Variants in HMGCLL1 observed in about 807,000 individuals in gnomAD.
HMGCLL1 encodes 3-hydroxy-3-methylglutaryl-CoA lyase like 1, also known as 3-hydroxymethyl-3-methylglutaryl-CoA lyase, cytoplasmic.
In HMGCLL1, 36 loss-of-function variants were observed where a neutral mutation model predicts 39.1. The observed-to-expected ratio is 0.92, with a 90% CI of 0.71 to 1.22. HMGCLL1 has a LOEUF of 1.22. Among genes scored for constraint, HMGCLL1 ranks in the 50% most tolerant of loss-of-function variants. The probability of loss-of-function intolerance (pLI) is 0.00; values close to 1 mark genes in which losing one functional copy is unlikely to be tolerated. For synonymous variants in HMGCLL1, 149 were observed against 144.0 expected (o/e 1.03, Z -0.25); for missense variants, 451 against 416.5 (o/e 1.08, Z -0.72).
chr6:55,492,137 T>C (rs999544951), intron 7 of HMGCLL1, among the ~76,000 whole-genome samples: 1 of 152,118 alleles, frequency 6.6e-6, no homozygotes, highest in South Asian at 2.1e-4. Flanking sequence ...TCTGCACCCC[T>C]AAATTAAAGC....
chr6:55,504,740 G>A (rs1477185193), intron 5 of HMGCLL1, among the ~76,000 whole-genome samples: 2 of 151,510 alleles, frequency 1.3e-5, no homozygotes, highest in African/African-American at 2.4e-5. Context: ...TGGATATTGA[G>A]GGCCTACTGT....
At chr6:55,548,368 C>T (rs1346914545) in intron 1 of HMGCLL1, among the ~76,000 whole-genome samples, 1 of 151,936 alleles carries the variant, frequency 6.6e-6, no homozygotes. Context: ...TCAGTGTGGA[C>T]ATACAGCATA....
At chr6:55,549,548 T>G (rs539415979) in intron 1 of HMGCLL1, among the ~76,000 whole-genome samples, 1 of 152,026 alleles carries the variant, frequency 6.6e-6, no homozygotes, top group Non-Finnish European at 1.5e-5. Context: ...ATTAAGCCAG[T>G]TATACCAGCA....
the HMGCLL1 span, among the ~76,000 whole-genome samples, chr6:55,603,346 G>T: frequency 6.6e-6 from 1 of 151,848 alleles, no homozygotes; most frequent in African/African-American, 2.4e-5. Flanking sequence ...CTATATTTAG[G>T]TTATAATTTA....
intron 5 of HMGCLL1, among the ~76,000 whole-genome samples, chr6:55,511,016 T>C (rs114563814): frequency 6.6e-6 from 1 of 151,966 alleles, no homozygotes; most frequent in African/African-American, 2.4e-5. Context: ...GTCTTATATA[T>C]TAAAGTACTA....
intron 1 of HMGCLL1, among the ~76,000 whole-genome samples, chr6:55,565,611 C>A (rs1026088832): frequency 1.3e-5 from 2 of 152,004 alleles, no homozygotes; most frequent in East Asian, 1.9e-4. Context: ...AAAAGGTCAA[C>A]ATCTGTACAA....
chr6:55,488,401 T>G (rs1449258730), intron 7 of HMGCLL1, among the ~76,000 whole-genome samples: 1 of 152,038 alleles, frequency 6.6e-6, no homozygotes, highest in Non-Finnish European at 1.5e-5. Context: ...CACATTTAAT[T>G]AGATAGATTA....
At chr6:55,660,490 T>C in the HMGCLL1 span, among the ~76,000 whole-genome samples, 1 of 151,930 alleles carries the variant, frequency 6.6e-6, no homozygotes, top group African/African-American at 2.4e-5. Context: ...GTTCCTGTGT[T>C]AGTTGCTAAG....
the HMGCLL1 span, among the ~76,000 whole-genome samples, chr6:55,598,457 A>G: frequency 6.6e-6 from 1 of 152,128 alleles, no homozygotes; most frequent in Admixed American, 6.6e-5. Flanking sequence ...TACTCCAATG[A>G]CCATGTTTCT....
the HMGCLL1 span, among the ~76,000 whole-genome samples, chr6:55,612,157 A>G: frequency 6.6e-6 from 1 of 152,170 alleles, no homozygotes; most frequent in African/African-American, 2.4e-5. Flanking sequence ...CACCAACAAC[A>G]GGCAGGCACA....
the HMGCLL1 span, among the ~76,000 whole-genome samples, chr6:55,634,655 A>G: frequency 1.3e-5 from 2 of 152,234 alleles, no homozygotes; most frequent in South Asian, 4.1e-4. Flanking sequence ...ATGTTTCCCA[A>G]ATTCTTAGAA....
the HMGCLL1 span, among the ~76,000 whole-genome samples, chr6:55,606,772 T>C: frequency 1.3e-5 from 2 of 152,076 alleles, no homozygotes; most frequent in Non-Finnish European, 2.9e-5. Context: ...ACGCATGTGA[T>C]TAAGATAAAG....
At chr6:55,442,407 T>G (rs990151582) in intron 7 of HMGCLL1, among the ~76,000 whole-genome samples, 11 of 152,160 alleles carry the variant, frequency 7.2e-5, no homozygotes, top group African/African-American at 2.7e-4. Flanking sequence ...CCAATTTATG[T>G]CTTTTGTTGC....
In HMGCLL1 at chr6:55,479,656, G is replaced by A. The variant is rs557028511; in HGVS notation, c.795+15763C>T. On this transcript the variant is annotated intron_variant, in intron 7 of 8. Transcript: ENST00000274901. The stretch of plus-strand genomic sequence containing the variant: ...TCAGAACAATGTAGACACTCACTTA[G>A]AGACATTTAATGATTTCCTTTTTAG... 4.6e-5 allele frequency among the ~76,000 whole-genome samples: 7 copies of A among 151,580 alleles called. No homozygotes were observed. In the South Asian group the frequency reaches 1.5e-3, roughly 32 times the overall value.
At chr6:55,594,874 G>C in the HMGCLL1 span, among the ~76,000 whole-genome samples, 1 of 152,102 alleles carries the variant, frequency 6.6e-6, no homozygotes, top group Non-Finnish European at 1.5e-5. Flanking sequence ...GAATTACATG[G>C]GGAGATGGAG....
chr6:55,468,529 T>C (rs1023606035), intron 7 of HMGCLL1, among the ~76,000 whole-genome samples: 2 of 151,880 alleles, frequency 1.3e-5, no homozygotes, highest in Non-Finnish European at 1.5e-5. Flanking sequence ...CTGATTCTGA[T>C]ATGGAGATTA....
At position 55,570,269 on chromosome 6, in the gene HMGCLL1, T is replaced by C. The variant is rs1771407705; in HGVS notation, c.108+8679A>G. Among the ~76,000 whole-genome samples, 2 of 152,182 alleles carry C rather than the reference T, an allele frequency of 1.3e-5. 1 individual carries two copies. Among genetic ancestry groups the C allele is most frequent in the South Asian group, 4.1e-4 (2 of 4,830 alleles). ...TAAACTCAGCTTCACACCTAAAACA[T>C]TCTAACACATTCTCAGCCTCTTTAC... is the stretch of plus-strand genomic sequence containing the variant. On this transcript the variant is annotated intron_variant, in intron 1 of 8. Transcript: ENST00000274901.
chr6:55,596,241 C>T, the HMGCLL1 span, among the ~76,000 whole-genome samples: 55 of 152,228 alleles, frequency 3.6e-4, no homozygotes, highest in African/African-American at 1.1e-3. Flanking sequence ...GCAGGAAAAT[C>T]GCTTGAGCCC....
chr6:55,631,130 C>A, the HMGCLL1 span, among the ~76,000 whole-genome samples: 1 of 151,846 alleles, frequency 6.6e-6, no homozygotes, highest in Non-Finnish European at 1.5e-5. Flanking sequence ...AATATTAATA[C>A]CTCTCTCTAA....
Sources: gnomAD v4.1 joint callset for allele counts (sites outside exome capture counted in the v4.1 genomes callset) on GRCh38, gnomAD v4.1.1 for gene constraint, MANE v1.5 for transcripts, NCBI Gene and HGNC (gene_info 2026-07-23, HGNC 2026-07-21) for gene names.